The following E2F3 variants were observed in gnomAD, a reference collection of about 807,000 sequenced individuals.
The protein encoded by E2F3 is transcription factor E2F3.
A neutral mutation model predicts 44.4 loss-of-function variants in E2F3; 11 were observed. That is an observed-to-expected ratio of 0.25 (90% CI 0.16 to 0.41). The LOEUF (loss-of-function observed/expected upper bound fraction) is 0.41. E2F3 is among the 10% of genes least tolerant of loss of function. E2F3 has a pLI of 1.00. For synonymous variants in E2F3, 249 were observed against 253.0 expected (o/e 0.98, Z 0.15); for missense variants, 487 against 583.6 (o/e 0.83, Z 1.70).
chr6:20,436,373 T>A (rs1760577189), intron 1 of E2F3, among the ~76,000 whole-genome samples: 4 of 152,124 alleles, frequency 2.6e-5, no homozygotes, highest in Admixed American at 6.5e-5. Context: ...TCTTTTGGCT[T>A]CCCTGGGCCA....
intron 1 of E2F3, among the ~76,000 whole-genome samples, chr6:20,427,775 C>A (rs1038188010): frequency 6.6e-6 from 1 of 152,214 alleles, no homozygotes; most frequent in Non-Finnish European, 1.5e-5. Flanking sequence ...CTCCTCTTTT[C>A]GAAGTCCTAG....
intron 1 of E2F3, among the ~76,000 whole-genome samples, chr6:20,461,330 A>G (rs1347266720): frequency 2.0e-5 from 3 of 152,094 alleles, no homozygotes; most frequent in Non-Finnish European, 1.5e-5. Flanking sequence ...CGTTTCTACT[A>G]AAAATACAAA....
intron 1 of E2F3, among the ~76,000 whole-genome samples, chr6:20,435,607 T>C (rs2127594490): frequency 1.3e-5 from 2 of 152,132 alleles, no homozygotes; most frequent in East Asian, 3.9e-4. Flanking sequence ...AAACATTAGC[T>C]GGGTGTGGTG....
chr6:20,468,209 A>G (rs1414264985), intron 1 of E2F3, among the ~76,000 whole-genome samples: 1 of 152,214 alleles, frequency 6.6e-6, no homozygotes. Flanking sequence ...CACATCACAC[A>G]GATTGAGGGT....
intron 1 of E2F3, among the ~76,000 whole-genome samples, chr6:20,454,372 A>G (rs1561868620): frequency 6.6e-6 from 1 of 152,362 alleles, no homozygotes; most frequent in Non-Finnish European, 1.5e-5. Context: ...TTACAACCCT[A>G]TAGCACTGCC....
In E2F3 at chr6:20,488,266, G is replaced by A. The variant is rs1219801106; in HGVS notation, c.1135+18G>A. 1 of 1,569,474 alleles carries A rather than the reference G, an allele frequency of 6.4e-7. No individual in the cohort carries two copies. The highest frequency in any genetic ancestry group is 8.6e-7 in the Non-Finnish European group (1 of 1,165,526). On this transcript the variant is annotated intron_variant, in intron 6 of 6. Coordinates refer to ENST00000346618, the MANE Select transcript of E2F3 (RefSeq NM_001949.5). ...TTCCAAAGGTAAAAACTCCACTTTT[G>A]TCTTTTAGAAACTATGTTAAAAATG...
intron 1 of E2F3, among the ~76,000 whole-genome samples, chr6:20,437,104 G>A (rs578136554): frequency 2.0e-5 from 3 of 152,190 alleles, no homozygotes; most frequent in Non-Finnish European, 2.9e-5. Flanking sequence ...ACTCCAGCTT[G>A]GGCGCAGAGT....
intron 1 of E2F3, among the ~76,000 whole-genome samples, chr6:20,421,120 A>G (rs1409962412): frequency 6.6e-6 from 1 of 152,214 alleles, no homozygotes; most frequent in Non-Finnish European, 1.5e-5. Context: ...ATCACCTATT[A>G]ACGCTCCATT....
At chr6:20,455,799 A>AT (rs1761291756) in intron 1 of E2F3, among the ~76,000 whole-genome samples, 1 of 152,156 alleles carries the variant, frequency 6.6e-6, no homozygotes, top group Non-Finnish European at 1.5e-5. Context: ...TCAGAAAGAA[A>AT]TTCTCTCATC....
At chr6:20,446,032 G>C (rs1473885658) in intron 1 of E2F3, among the ~76,000 whole-genome samples, 3 of 152,150 alleles carry the variant, frequency 2.0e-5, no homozygotes, top group Non-Finnish European at 4.4e-5. Context: ...TGCCTCATGT[G>C]CACAGCTTTG....
chr6:20,425,780 G>A (rs147838418), intron 1 of E2F3, among the ~76,000 whole-genome samples: 51 of 152,346 alleles, frequency 3.3e-4, no homozygotes, highest in East Asian at 5.8e-4. Context: ...ATCCAGAAAT[G>A]CTTTGCTATA....
intron 1 of E2F3, among the ~76,000 whole-genome samples, chr6:20,414,811 C>T (rs368509932): frequency 1.3e-5 from 2 of 152,206 alleles, no homozygotes; most frequent in South Asian, 2.1e-4. Context: ...GAAATGCATG[C>T]GTGACACAGT....
chr6:20,486,308 T>C (rs1364357220), intron 4 of E2F3, among the ~76,000 whole-genome samples: 1 of 152,212 alleles, frequency 6.6e-6, no homozygotes, highest in African/African-American at 2.4e-5. Context: ...AGTCTCGCTC[T>C]GTCGCCCAGG....
intron 1 of E2F3, among the ~76,000 whole-genome samples, chr6:20,414,664 A>G (rs1380383588): frequency 6.6e-6 from 1 of 152,164 alleles, no homozygotes. Flanking sequence ...TTTTGTCGCT[A>G]TGTTGGGTAG....
chr6:20,438,938 A>G (rs990680838), intron 1 of E2F3, among the ~76,000 whole-genome samples: 22 of 152,134 alleles, frequency 1.4e-4, no homozygotes, highest in African/African-American at 5.1e-4. Flanking sequence ...TAATTGAGCT[A>G]TTTTTGTTGC....
At chr6:20,408,209 T>G (rs1021463286) in intron 1 of E2F3, among the ~76,000 whole-genome samples, 2 of 152,236 alleles carry the variant, frequency 1.3e-5, no homozygotes, top group Non-Finnish European at 2.9e-5. Context: ...TCCTTCTTCC[T>G]ACCCTGACCC....
intron 1 of E2F3, among the ~76,000 whole-genome samples, chr6:20,409,904 A>C (rs1304590311): frequency 6.7e-6 from 1 of 149,624 alleles, no homozygotes; most frequent in African/African-American, 2.5e-5. Context: ...TCTAACAGCC[A>C]GTGAGCATTA....
At chr6:20,407,162 C>T (rs1759520082) in intron 1 of E2F3, among the ~76,000 whole-genome samples, 1 of 152,156 alleles carries the variant, frequency 6.6e-6, no homozygotes. Context: ...GTTCTATACT[C>T]AATAATCTTG....
chr6:20,461,592 G>GTATT (rs1267265992), intron 1 of E2F3, among the ~76,000 whole-genome samples: 1 of 151,876 alleles, frequency 6.6e-6, no homozygotes, highest in Admixed American at 6.6e-5. Flanking sequence ...CTTTTACTAC[G>GTATT]TATTTATTAA....
Sources: allele counts gnomAD v4.1 joint callset (sites outside exome capture counted in the v4.1 genomes callset), GRCh38; gene constraint gnomAD v4.1.1; transcripts MANE v1.5; gene names NCBI Gene and HGNC (gene_info 2026-07-23, HGNC 2026-07-21).